The following NEB variants were observed in gnomAD, a reference collection of about 807,000 sequenced individuals.
NEB encodes nemaline myopathy type 2.
NEB carries 512 observed loss-of-function variants against 952.2 expected under a neutral mutation model. The observed-to-expected ratio is 0.54, with a 90% confidence interval of 0.50 to 0.58. NEB has a LOEUF of 0.58. Among genes scored for constraint, NEB ranks in the 20% least tolerant of loss-of-function variants. The pLI is 0.00. For synonymous variants in NEB, 2,900 were observed against 3,149.8 expected (o/e 0.92, Z 2.66); for missense variants, 8,428 against 9,231.1 (o/e 0.91, Z 3.56).
At chr2:151,646,806 T>C (rs925394232) in intron 54 of NEB, among the ~76,000 whole-genome samples, 1 of 152,142 alleles carries the variant, frequency 6.6e-6, no homozygotes, top group Non-Finnish European at 1.5e-5. Context: ...TGTGCCACCA[T>C]ACCCGGCTAA....
intron 75 of NEB, among the ~76,000 whole-genome samples, chr2:151,616,902 G>A (rs1237757620): frequency 6.6e-6 from 1 of 152,116 alleles, no homozygotes; most frequent in East Asian, 1.9e-4. Context: ...ATATGGACCT[G>A]GGATTTCAGG....
Position 151,642,566 on chromosome 2 carries a change from A to G in NEB, c.8373+8T>C, listed in dbSNP as rs780403178. 1.9e-6 allele frequency: 3 copies of G among 1,601,868 alleles called. No homozygotes were observed. Among genetic ancestry groups the G allele is most frequent in the East Asian group, 2.2e-5 (1 of 44,690 alleles). ...AGCTAAGGCAAATAACTTTCCAAGT[A>G]TACTTACTTCACTTGCAATATCTCT... On this transcript the variant is annotated splice_region_variant and intron_variant, in intron 60 of 181. Transcript: ENST00000397345.
chr2:151,681,620 G>A (rs573012090), intron 29 of NEB, among the ~76,000 whole-genome samples: 6 of 152,104 alleles, frequency 3.9e-5, no homozygotes, highest in Non-Finnish European at 5.9e-5. Context: ...ACAAAACACC[G>A]AACAAGAAGT....
chr2:151,546,760 T>C (rs1228256276), intron 133 of NEB, among the ~76,000 whole-genome samples: 9 of 152,064 alleles, frequency 5.9e-5, no homozygotes, highest in Admixed American at 5.2e-4. Flanking sequence ...GGTTTCACCA[T>C]GTTGGCCAGG....
At position 151,672,451 on chromosome 2, in the gene NEB, T is replaced by C; in HGVS notation, c.4217A>G (p.Lys1406Arg). ...GTATGTGTAATGATGCAATGGCTGT[T>C]TGTAGTTGACATTGGTAGCGACATC... ...AQDVATNVNYKQPLHHYTYLP... is the reference protein window; with the variant it reads ...AQDVATNVNYRQPLHHYTYLP... Residue 1406 changes from lysine to arginine, a missense_variant, in exon 37 of 182, where the codon AAA becomes AGA. Around this residue, in one of 11 missense-constraint regions of NEB, gnomAD observed 2,851 missense variants for 2,791.5 expected, o/e 1.02. Transcript: ENST00000397345. 1 of 1,613,960 alleles carries C rather than the reference T, an allele frequency of 6.2e-7. No homozygotes were observed. The highest frequency in any genetic ancestry group is 8.5e-7 in the Non-Finnish European group (1 of 1,179,842).
rs747721713 is a variant in NEB at position 151,672,458 on chromosome 2, T to C, written c.4210A>G (p.Asn1404Asp). The C allele has an allele frequency of 6.8e-6, 11 of 1,613,914 alleles. No homozygotes were observed. Among genetic ancestry groups the C allele is most frequent in the Non-Finnish European group, 9.3e-6 (11 of 1,179,880 alleles). ...KMAQDVATNV[N>D]YKQPLHHYTY... The stretch of plus-strand genomic sequence containing the variant: ...TAATGATGCAATGGCTGTTTGTAGT[T>C]GACATTGGTAGCGACATCCTGGGCC... The change falls in exon 37 of 182, where the codon AAC becomes GAC. Residue 1404 changes from asparagine (N) to aspartate (D), a missense_variant. Asn to Asp is a conservative substitution (Grantham distance 23). Coordinates refer to ENST00000397345, the MANE Select transcript of NEB (RefSeq NM_001164508.2).
rs756949010 is a variant in NEB, at chr2:151,540,431, T to C, written c.20805A>G (p.Gln6935=). The change falls in exon 138 of 182, where the codon CAA becomes CAG. Residue 6935 remains glutamine, a synonymous_variant. Transcript: ENST00000397345. ...DMVSEKKYKI[Q]YEKMKDKYTP... ...TGTACTTGTCTTTCATCTTTTCATA[T>C]TGAATCTTGTACTTTTTCTGAGAAA... The C allele has an allele frequency of 2.6e-6, 4 of 1,565,362 alleles. No homozygotes were observed. The highest frequency in any genetic ancestry group is 2.7e-5 in the African/African-American group (2 of 73,998).
chr2:151,646,138 T>C lies in NEB; in HGVS notation c.7528A>G (p.Thr2510Ala). The change falls in exon 55 of 182, where the codon ACA (threonine) becomes GCA (alanine). Residue 2510 changes from threonine to alanine, a missense_variant. Transcript: ENST00000397345. ...TGAATTTGAAAACTTACATCACTTG[T>C]GTTGATTAAGTTTGCTTTAGCCAGA... is the stretch of plus-strand genomic sequence containing the variant. ...IVLAKANLIN[T>A]SDKLYRMGYE... 1 of 1,584,970 alleles carries C rather than the reference T, an allele frequency of 6.3e-7. No individual in the cohort carries two copies. The highest frequency in any genetic ancestry group is 8.6e-7 in the Non-Finnish European group (1 of 1,163,424).
intron 23 of NEB, among the ~76,000 whole-genome samples, chr2:151,691,314 G>A (rs1405894009): frequency 2.0e-5 from 3 of 152,154 alleles, no homozygotes; most frequent in African/African-American, 7.2e-5. Context: ...GGTCATGCCT[G>A]TTTTAGACCT....
rs2099580703 is a variant in NEB, at chr2:151,694,410, T to C, written c.1809A>G (p.Lys603=). 2 of 1,613,940 alleles carry C rather than the reference T, an allele frequency of 1.2e-6. No homozygotes were observed. The highest frequency in any genetic ancestry group is 8.5e-7 in the Non-Finnish European group (1 of 1,179,866). Residue 603 remains lysine (K), a synonymous_variant, in exon 20 of 182, where the codon AAA becomes AAG. Transcript: ENST00000397345. ...SDVMYKKDYE[K]NKGKMIGVLS... ...GGACTCCAATCATTTTCCCTTTGTT[T>C]TTTTCATAGTCTTTCTTGTACATCA...
chr2:151,568,707 G>C lies in NEB; in HGVS notation c.17545C>G (p.Arg5849Gly). 2 of 1,593,178 alleles carry C rather than the reference G, an allele frequency of 1.3e-6. No individual in the cohort carries two copies. The highest frequency in any genetic ancestry group is 1.7e-6 in the Non-Finnish European group (2 of 1,168,514). ...AADIFSEKKY[R>G]TKIETLNFTP... ...AAGTTGAGAGTTTCTATTTTTGTGCGATATTTTTTCTATGGGAAAGAAAGC... is the reference window on the plus strand; with the variant it reads ...AAGTTGAGAGTTTCTATTTTTGTGCCATATTTTTTCTATGGGAAAGAAAGC... Residue 5849 changes from arginine (R) to glycine (G), a missense_variant, in exon 111 of 182, where the codon CGC becomes GGC. By Grantham distance (125) the Arg-to-Gly change is moderately radical (BLOSUM62 -2). Transcript: ENST00000397345.
At position 151,493,444 on chromosome 2, in the gene NEB, A is replaced by T. The variant is rs762485238; in HGVS notation, c.24674T>A (p.Val8225Glu). 1 of 1,576,850 alleles carries T rather than the reference A, an allele frequency of 6.3e-7. No homozygotes were observed. The highest frequency in any genetic ancestry group is 1.2e-5 in the South Asian group (1 of 83,962). ...VKRNQENFSS[V>E]LYKENMRKAT... ...TTTTCTCATGTTCTCTTTGTACAAT[A>T]CCTAGGGAAGCCAAAAGAGCATCTA... is the stretch of plus-strand genomic sequence containing the variant. Residue 8225 changes from valine to glutamate, a missense_variant and splice_region_variant, in exon 176 of 182, where the codon GTA (valine) becomes GAA (glutamate). This residue lies in a region of NEB where 3,374 missense variants were observed against 3,651.5 expected (regional missense o/e 0.92). Transcript: ENST00000397345.
At position 151,547,845 on chromosome 2, in the gene NEB, T is replaced by C. The variant is rs955665055; in HGVS notation, c.20158-107A>G. ...TACATAAGGAAGAGGGGAGGAAATATCGAGGATATAGAAAATGATTGAGAT... is the reference window on the plus strand; with the variant it reads ...TACATAAGGAAGAGGGGAGGAAATACCGAGGATATAGAAAATGATTGAGAT... On this transcript the variant is annotated intron_variant, in intron 131 of 181. Transcript: ENST00000397345. 3 of 722,280 alleles carry C rather than the reference T, an allele frequency of 4.2e-6. No individual in the cohort carries two copies. The African/African-American group carries it at 5.4e-5, about 13-fold the overall frequency. The allele number at this position is 722,280 out of a possible 1,614,324, so 44.7% of individuals were successfully genotyped here. A position where few individuals can be genotyped will look rare whatever the true frequency, so the allele number is the denominator to read the frequency against.
intron 154 of NEB, 97 bp from the exon 155 acceptor site, chr2:151,519,166 T>C (rs921148915): frequency 1.4e-5 from 11 of 806,442 alleles, no homozygotes; most frequent in African/African-American, 1.2e-4. Context: ...AAACAAATGC[T>C]GGAGATGGTG....
At chr2:151,505,296 G>C (rs2067950464) in intron 165 of NEB, among the ~76,000 whole-genome samples, 182 bp downstream of exon 165, 1 of 152,150 alleles carries the variant, frequency 6.6e-6, no homozygotes, top group Non-Finnish European at 1.5e-5. Context: ...CCTTGATTAT[G>C]AGAAAAGTGG....
At chr2:151,657,785 A>G (rs754865589) in intron 48 of NEB, among the ~76,000 whole-genome samples, 198 bp downstream of exon 48, 3 of 152,212 alleles carry the variant, frequency 2.0e-5, no homozygotes, top group Non-Finnish European at 1.5e-5. Flanking sequence ...GCTGACATCT[A>G]TGAGGGTCAC....
rs1040384800 is a variant in NEB, at chr2:151,679,836, A to G, written c.3148-8T>C. 3 of 1,612,522 alleles carry G rather than the reference A, an allele frequency of 1.9e-6. No individual in the cohort carries two copies. On this transcript the variant is annotated splice_polypyrimidine_tract_variant and splice_region_variant and intron_variant, in intron 31 of 181. Transcript: ENST00000397345. The stretch of plus-strand genomic sequence containing the variant: ...GTCTGCTTTGTACATATTCTGAAAG[A>G]AAAATGTCATTTAAGTACAACTTAG...
At chr2:151,506,829 AAT>A in intron 163 of NEB, 78 bp downstream of exon 163, 1 of 907,156 alleles carries the variant, frequency 1.1e-6, no homozygotes, top group Non-Finnish European at 1.8e-6. Flanking sequence ...TGTGTGTATC[AAT>A]ATAAGGCTAG....
rs1238929314 is a variant in NEB, at chr2:151,697,666, T to A, written c.1153-18A>T. On this transcript the variant is annotated intron_variant, in intron 13 of 181. Coordinates refer to ENST00000397345, the MANE Select transcript of NEB (RefSeq NM_001164508.2). ...TATAGTTTCTGTCAAAGAAAAAAAATTCAGTTAAAGTAGATTCCTGTCACT... is the reference window on the plus strand; with the variant it reads ...TATAGTTTCTGTCAAAGAAAAAAAAATCAGTTAAAGTAGATTCCTGTCACT... 4.5e-6 allele frequency: 7 copies of A among 1,555,008 alleles called. No individual in the cohort carries two copies. Among genetic ancestry groups the A allele is most frequent in the East Asian group, 4.5e-5 (2 of 44,612 alleles).
Sources: gnomAD v4.1 joint callset for allele counts (sites outside exome capture counted in the v4.1 genomes callset) on GRCh38, gnomAD v4.1.1 for gene constraint, gnomAD v4.1.1 regional missense constraint, MANE v1.5 for transcripts, NCBI Gene and HGNC (gene_info 2026-07-23, HGNC 2026-07-21) for gene names.